The following CACNB2 variants were observed in gnomAD, a reference collection of about 807,000 sequenced individuals.
CACNB2 encodes calcium voltage-gated channel auxiliary subunit beta 2, also known as voltage-dependent L-type calcium channel subunit beta-2.
A neutral mutation model predicts 73.3 loss-of-function variants in CACNB2; 42 were observed. The observed-to-expected ratio is 0.57, with a 90% CI of 0.45 to 0.74. The LOEUF is 0.74. CACNB2 is among the 30% of genes least tolerant of loss of function. The pLI is 0.00. For synonymous variants in CACNB2, 348 were observed against 310.3 expected (o/e 1.12, Z -1.28); for missense variants, 940 against 853.0 (o/e 1.10, Z -1.27).
intron 2 of CACNB2, among the ~76,000 whole-genome samples, chr10:18,251,266 A>G (rs928551793): frequency 2.7e-5 from 4 of 149,484 alleles, no homozygotes; most frequent in African/African-American, 9.9e-5. Context: ...TTTTTTTGAG[A>G]TGGAGTTTCA....
chr10:18,257,004 A>T (rs919683070), intron 2 of CACNB2: 1 of 152,244 alleles, frequency 6.6e-6, no homozygotes, highest in Non-Finnish European at 1.5e-5. Context: ...TATAATTGGA[A>T]TCAGAGCAAA....
At chr10:18,537,344 A>G (rs12257238) in intron 12 of CACNB2, among the ~76,000 whole-genome samples, 4,836 of 152,248 alleles carry the variant, frequency 0.032, 265 homozygotes, top group African/African-American at 0.11. Flanking sequence ...ATTGCTTAAT[A>G]TATGTTAAAA....
intron 1 of CACNB2, among the ~76,000 whole-genome samples, chr10:18,148,576 A>G (rs1299485769): frequency 6.6e-6 from 1 of 152,248 alleles, no homozygotes; most frequent in Non-Finnish European, 1.5e-5. Context: ...CCTGTTGTAC[A>G]ATTGTAAGCA....
chr10:18,353,443 C>T (rs537096524), intron 2 of CACNB2, among the ~76,000 whole-genome samples: 5 of 152,046 alleles, frequency 3.3e-5, no homozygotes, highest in East Asian at 3.9e-4. Context: ...CTATATGAAA[C>T]GTACGTTTGT....
At chr10:18,210,043 A>C (rs1261953882) in intron 2 of CACNB2, among the ~76,000 whole-genome samples, 1 of 152,134 alleles carries the variant, frequency 6.6e-6, no homozygotes, top group Non-Finnish European at 1.5e-5. Context: ...TAAGGTTGAG[A>C]AGAGGTCTCC....
chr10:18,302,484 G>A (rs993846641), intron 2 of CACNB2, among the ~76,000 whole-genome samples: 1 of 152,182 alleles, frequency 6.6e-6, no homozygotes, highest in Non-Finnish European at 1.5e-5. Context: ...GAGAAACTGT[G>A]CGATATGTAC....
intron 3 of CACNB2, among the ~76,000 whole-genome samples, chr10:18,455,690 G>A (rs2047243691): frequency 6.6e-6 from 1 of 152,194 alleles, no homozygotes; most frequent in Non-Finnish European, 1.5e-5. Context: ...AAGGCACTAA[G>A]GTTCCTTAAG....
intron 2 of CACNB2, among the ~76,000 whole-genome samples, chr10:18,358,495 ACGCT>A (rs2042009687): frequency 9.6e-6 from 1 of 104,254 alleles, no homozygotes; most frequent in African/African-American, 3.8e-5. Flanking sequence ...TCTAATGAGC[ACGCT>A]CTCTCTCTCT....
chr10:18,340,633 A>G lies in CACNB2; in HGVS notation c.214-61291A>G, dbSNP rs576702539. ...TTTGCAGGCGTCTGTCTTCCAAGCCAGCTGACGTAATTCAGAGGAGAATAA... is the reference window on the plus strand; with the variant it reads ...TTTGCAGGCGTCTGTCTTCCAAGCCGGCTGACGTAATTCAGAGGAGAATAA... On this transcript the variant is annotated intron_variant, in intron 2 of 13. Coordinates refer to ENST00000324631, the MANE Select transcript of CACNB2 (RefSeq NM_201596.3). 72 of 1,266,516 alleles carry G rather than the reference A, an allele frequency of 5.7e-5. 2 individuals are homozygous for G. In the South Asian group the frequency reaches 1.2e-3, roughly 21 times the overall value. The allele number at this position is 1,266,516 out of a possible 1,614,324, so 78.5% of individuals were successfully genotyped here.
At chr10:18,408,794 C>G (rs545986169) in intron 3 of CACNB2, among the ~76,000 whole-genome samples, 2 of 152,044 alleles carry the variant, frequency 1.3e-5, no homozygotes, top group African/African-American at 2.4e-5. Context: ...AGATTATGGA[C>G]GCAAATTTTT....
At chr10:18,160,919 A>G (rs2032410438) in intron 2 of CACNB2, among the ~76,000 whole-genome samples, 1 of 152,166 alleles carries the variant, frequency 6.6e-6, no homozygotes, top group Non-Finnish European at 1.5e-5. Context: ...TTAGTTCATT[A>G]AGTAAGTTTT....
At chr10:18,430,841 A>G (rs1396923748) in intron 3 of CACNB2, among the ~76,000 whole-genome samples, 1 of 152,246 alleles carries the variant, frequency 6.6e-6, no homozygotes, top group Non-Finnish European at 1.5e-5. Context: ...ATTTATTCAC[A>G]TGGAAACCAT....
At position 18,540,229 on chromosome 10, in the gene CACNB2, G is replaced by T. The variant is rs527583556; in HGVS notation, c.*505G>T. ...GATTCAGTCTTGCCTTACACAAAGG[G>T]GATCATAAAGTTAGAATCTATTTTC... On this transcript the variant is annotated 3_prime_UTR_variant, in exon 14 of 14. Coordinates refer to ENST00000324631, the MANE Select transcript of CACNB2 (RefSeq NM_201596.3). 5.8e-6 allele frequency: 1 copy of T among 173,614 alleles called. No individual in the cohort carries two copies. The highest frequency in any genetic ancestry group is 1.2e-5 in the Non-Finnish European group (1 of 80,358). 10.8% of individuals were successfully genotyped at this position (173,614 alleles called of 1,614,324 possible).
chr10:18,436,201 C>G (rs1344221037), intron 3 of CACNB2, among the ~76,000 whole-genome samples: 4 of 152,180 alleles, frequency 2.6e-5, no homozygotes, highest in African/African-American at 9.7e-5. Flanking sequence ...AATTTATGGT[C>G]ATTAATGATG....
chr10:18,434,938 A>C (rs11014216), intron 3 of CACNB2, among the ~76,000 whole-genome samples: 28,056 of 152,148 alleles, frequency 0.18, 2,848 homozygotes, highest in South Asian at 0.32. Flanking sequence ...TAGTGCCATT[A>C]AGAAAATAGT....
At chr10:18,189,016 G>A (rs1380024373) in intron 2 of CACNB2, among the ~76,000 whole-genome samples, 1 of 151,786 alleles carries the variant, frequency 6.6e-6, no homozygotes, top group Non-Finnish European at 1.5e-5. Context: ...TTGGAGTGCA[G>A]TGTACTGATC....
chr10:18,426,185 G>C (rs1416031695), intron 3 of CACNB2, among the ~76,000 whole-genome samples: 1 of 152,170 alleles, frequency 6.6e-6, no homozygotes, highest in Non-Finnish European at 1.5e-5. Context: ...TTGCATTTAA[G>C]TCTGTAGATC....
At chr10:18,487,838 CAA>C (rs35224466) in intron 3 of CACNB2, among the ~76,000 whole-genome samples, 192 of 136,102 alleles carry the variant, frequency 1.4e-3, no homozygotes, top group Middle Eastern at 7.8e-3. Context: ...GACTCCATCT[CAA>C]AAAAAAAAAA....
At chr10:18,329,183 A>C (rs1006192640) in intron 2 of CACNB2, among the ~76,000 whole-genome samples, 1 of 152,128 alleles carries the variant, frequency 6.6e-6, no homozygotes, top group East Asian at 1.9e-4. Flanking sequence ...TACTCAATGC[A>C]CTCAGATTAA....
Sources: allele counts gnomAD v4.1 joint callset (sites outside exome capture counted in the v4.1 genomes callset), GRCh38; gene constraint gnomAD v4.1.1; transcripts MANE v1.5; gene names NCBI Gene and HGNC (gene_info 2026-07-23, HGNC 2026-07-21).